DLG2: variants seen among roughly 807,000 people sequenced by gnomAD.
DLG2 encodes the protein discs large MAGUK scaffold protein 2.
A neutral mutation model predicts 132.5 loss-of-function variants in DLG2; 45 were observed. That is an observed-to-expected ratio of 0.34 (90% CI 0.27 to 0.44). DLG2 has a LOEUF of 0.44. Ranked by LOEUF, DLG2 falls within the 20% of genes least tolerant of loss-of-function variation. The pLI is 1.00. For missense variants in DLG2, 1,045 were observed against 1,196.9 expected (o/e 0.87, Z 1.87); for synonymous variants, 424 against 419.6 (o/e 1.01, Z -0.13).
intron 3 of DLG2, among the ~76,000 whole-genome samples, chr11:85,406,362 G>A (rs956651562): frequency 2.0e-5 from 3 of 151,784 alleles, no homozygotes; most frequent in African/African-American, 7.2e-5. Flanking sequence ...GAGAATCTCA[G>A]AGTCAGCATT....
chr11:85,386,511 C>T (rs1279955636), intron 3 of DLG2, among the ~76,000 whole-genome samples: 5 of 151,660 alleles, frequency 3.3e-5, no homozygotes, highest in African/African-American at 7.3e-5. Context: ...GGGATGAATT[C>T]GTAGGACTAT....
rs184052 is a variant in DLG2, at chr11:85,420,796, C to T, written c.41-135431G>A. ...TGGATGCCCCTCCCCCCACCAAGCT[C>T]GAGCATCCCAGGTTGACTTCAGACT... is the stretch of plus-strand genomic sequence containing the variant. On this transcript the variant is annotated intron_variant, in intron 3 of 27. Transcript: ENST00000376104. 3.0e-4 allele frequency among the ~76,000 whole-genome samples: 45 copies of T among 152,248 alleles called. 2 individuals are homozygous for T. The South Asian group carries it at 6.0e-3, about 20-fold the overall frequency.
At chr11:84,878,527 A>AG (rs1362327288) in intron 6 of DLG2, among the ~76,000 whole-genome samples, 1 of 151,990 alleles carries the variant, frequency 6.6e-6, no homozygotes, top group African/African-American at 2.4e-5. Context: ...GGACACAGGG[A>AG]GGGGGACATC....
At chr11:84,650,862 T>G in intron 6 of DLG2, among the ~76,000 whole-genome samples, 1 of 87,230 alleles carries the variant, frequency 1.1e-5, no homozygotes, top group South Asian at 5.1e-4. Context: ...TGTGTGTGTG[T>G]GTGTGTGTGT....
chr11:84,540,331 A>C lies in DLG2; in HGVS notation c.358-5600T>G, dbSNP rs534761388. On this transcript the variant is annotated intron_variant, in intron 6 of 27. Transcript: ENST00000376104. Reference sequence around the variant, plus strand: ...AATATCCAGAATCCACAAAGAACTTAAACAAATTTACAAGAAAAAAAAAAA... The same window carrying C: ...AATATCCAGAATCCACAAAGAACTTCAACAAATTTACAAGAAAAAAAAAAA... Among the ~76,000 whole-genome samples the C allele has an allele frequency of 1.3e-3, 200 of 151,452 alleles. 4 individuals are homozygous for C. Among genetic ancestry groups the C allele is most frequent in the Middle Eastern group, 6.8e-3 (2 of 292 alleles).
chr11:84,401,327 A>G (rs1469085726), intron 7 of DLG2, among the ~76,000 whole-genome samples: 1 of 152,014 alleles, frequency 6.6e-6, no homozygotes, highest in Admixed American at 6.6e-5. Flanking sequence ...ATTATTATAC[A>G]CTTTTCACAA....
chr11:84,819,106 C>CACACACA (rs769677741), intron 6 of DLG2, among the ~76,000 whole-genome samples: 9,039 of 150,292 alleles, frequency 0.06, 339 homozygotes, highest in Non-Finnish European at 0.089. Flanking sequence ...CACACACACA[C>CACACACA]AATTTCGTTT....
At chr11:85,216,752 A>T (rs1466579127) in intron 4 of DLG2, among the ~76,000 whole-genome samples, 1 of 151,786 alleles carries the variant, frequency 6.6e-6, no homozygotes, top group Non-Finnish European at 1.5e-5. Flanking sequence ...GCTGGAGTGC[A>T]GTGGCTGAAT....
At chr11:85,422,677 G>C (rs888520592) in intron 3 of DLG2, among the ~76,000 whole-genome samples, 3 of 152,016 alleles carry the variant, frequency 2.0e-5, no homozygotes, top group African/African-American at 4.8e-5. Context: ...TTTTAGTAGA[G>C]ATGGGGTTTT....
intron 7 of DLG2, among the ~76,000 whole-genome samples, chr11:84,297,256 T>C (rs1457803469): frequency 1.3e-5 from 2 of 152,058 alleles, no homozygotes; most frequent in Non-Finnish European, 1.5e-5. Context: ...ACAAGGGTAG[T>C]GAGTGAGAGA....
chr11:85,132,506 T>G (rs1334963066), intron 5 of DLG2, among the ~76,000 whole-genome samples: 1 of 150,906 alleles, frequency 6.6e-6, no homozygotes, highest in East Asian at 1.9e-4. Flanking sequence ...AAGCAAATCC[T>G]GCCATAAAAA....
intron 6 of DLG2, among the ~76,000 whole-genome samples, chr11:84,819,176 AACTTGCTGTAAGTCTC>A: frequency 6.6e-6 from 1 of 151,808 alleles, no homozygotes; most frequent in South Asian, 2.1e-4. Flanking sequence ...CTAAAAGATC[AACTTGCTGTAAGTCTC>A]ACAATAGAAA....
intron 6 of DLG2, among the ~76,000 whole-genome samples, chr11:85,093,507 A>G (rs1329755217): frequency 1.3e-5 from 2 of 152,198 alleles, no homozygotes; most frequent in East Asian, 3.9e-4. Flanking sequence ...AAAGACATAC[A>G]TGAGACTGGG....
In DLG2 at chr11:84,714,657, C is replaced by T. The variant is rs865787667; in HGVS notation, c.358-179926G>A. 7.5e-4 allele frequency among the ~76,000 whole-genome samples: 107 copies of T among 143,416 alleles called. 1 individual carries two copies. Among genetic ancestry groups the T allele is most frequent in the African/African-American group, 1.9e-3 (68 of 36,056 alleles). 94.1% of individuals were successfully genotyped at this position (143,416 alleles called of 152,430 possible). On this transcript the variant is annotated intron_variant, in intron 6 of 27. Coordinates refer to ENST00000376104, the MANE Select transcript of DLG2 (RefSeq NM_001142699.3). ...TCTCTCTCTCTCTCTTTCTCTCTCT[C>T]TCTCTCTCTCTCTCTCTGCCTCCCC...
chr11:84,993,766 A>T (rs1383588134), intron 6 of DLG2, among the ~76,000 whole-genome samples: 3 of 152,214 alleles, frequency 2.0e-5, no homozygotes, highest in South Asian at 4.1e-4. Context: ...CTAGCTAATC[A>T]GGGCCAAGTC....
intron 4 of DLG2, among the ~76,000 whole-genome samples, chr11:85,196,522 T>C (rs2081081352): frequency 6.6e-6 from 1 of 152,204 alleles, no homozygotes; most frequent in African/African-American, 2.4e-5. Context: ...ATAGTCCCAC[T>C]ATAACCAATT....
intron 8 of DLG2, among the ~76,000 whole-genome samples, chr11:84,244,657 GGTAA>G (rs1469128464): frequency 6.6e-6 from 1 of 152,060 alleles, no homozygotes; most frequent in Non-Finnish European, 1.5e-5. Flanking sequence ...GCTGTTTCCT[GGTAA>G]GTAAGGATTT....
At chr11:84,630,562 T>C (rs1039810814) in intron 6 of DLG2, among the ~76,000 whole-genome samples, 5 of 152,194 alleles carry the variant, frequency 3.3e-5, no homozygotes, top group Non-Finnish European at 5.9e-5. Context: ...AATAAATGCA[T>C]GATCTTATCT....
intron 6 of DLG2, among the ~76,000 whole-genome samples, chr11:85,111,327 G>T (rs1325801392): frequency 6.6e-6 from 1 of 152,062 alleles, no homozygotes; most frequent in East Asian, 1.9e-4. Flanking sequence ...CTTTCTTCAA[G>T]GCATCTAAAA....
Sources: gnomAD v4.1 joint callset for allele counts (sites outside exome capture counted in the v4.1 genomes callset) on GRCh38, gnomAD v4.1.1 for gene constraint, MANE v1.5 for transcripts, NCBI Gene and HGNC (gene_info 2026-07-23, HGNC 2026-07-21) for gene names.